The following ERCC2 variants were observed in gnomAD, a reference collection of about 807,000 sequenced individuals.
The protein encoded by ERCC2 is general transcription and DNA repair factor IIH helicase subunit XPD.
ERCC2 carries 90 observed loss-of-function variants against 99.4 expected under a neutral mutation model. The ratio of observed to expected loss-of-function variants is 0.91; its 90% CI spans 0.76 to 1.08. ERCC2 has a LOEUF of 1.08. Among genes scored for constraint, ERCC2 ranks in the 50% least tolerant of loss-of-function variants. The pLI, the probability that ERCC2 is intolerant of heterozygous loss-of-function variation, is 0.00. For missense variants in ERCC2, 993 were observed against 1,038.1 expected (o/e 0.96, Z 0.60); for synonymous variants, 497 against 432.4 (o/e 1.15, Z -1.85).
At chr19:45,353,763 G>T (rs1367722474) in intron 17 of ERCC2, among the ~76,000 whole-genome samples, 1 of 152,206 alleles carries the variant, frequency 6.6e-6, no homozygotes, top group Non-Finnish European at 1.5e-5. Context: ...GTTCAGTGGG[G>T]AGAGCTTTTA....
In ERCC2 at chr19:45,364,090, C is replaced by T. The variant is rs948547865; in HGVS notation, c.845G>A (p.Arg282Gln). ...CTCCACCAGACGCCGGTACTCGTCCCGCAGGCGCTGCTCGTCTGTCTCTTT... is the reference window on the plus strand; with the variant it reads ...CTCCACCAGACGCCGGTACTCGTCCTGCAGGCGCTGCTCGTCTGTCTCTTT... ...RIKETDEQRL[R>Q]DEYRRLVEGL... Residue 282 changes from arginine (R) to glutamine (Q), a missense_variant, in exon 10 of 23, where the codon CGG (arginine) becomes CAG (glutamine). Transcript: ENST00000391945. 1.1e-5 allele frequency: 18 copies of T among 1,604,018 alleles called. No homozygotes were observed. In the African/African-American group the frequency reaches 1.9e-4, roughly 17 times the overall value.
intron 11 of ERCC2, among the ~76,000 whole-genome samples, chr19:45,362,864 GCA>G (rs1282060541): frequency 1.3e-5 from 2 of 152,256 alleles, no homozygotes; most frequent in African/African-American, 4.8e-5. Flanking sequence ...CAACTACCGG[GCA>G]CAGTGCTGTG....
intron 5 of ERCC2, 54 bp downstream of exon 5, chr19:45,368,576 A>T: frequency 8.1e-7 from 1 of 1,232,140 alleles, no homozygotes; most frequent in East Asian, 2.3e-5. Flanking sequence ...TGGTTGGACG[A>T]AAGAGTTTTC....
In ERCC2 at chr19:45,350,169, C is replaced by A; in HGVS notation, c.*1460G>T. 1 of 611,802 alleles carries A rather than the reference C, an allele frequency of 1.6e-6. No homozygotes were observed. Among genetic ancestry groups the A allele is most frequent in the Non-Finnish European group, 2.9e-6 (1 of 348,302 alleles). The allele number at this position is 611,802 out of a possible 1,614,324, so 37.9% of individuals were successfully genotyped here. On this transcript the variant is annotated 3_prime_UTR_variant, in exon 23 of 23. Transcript: ENST00000391945. ...AGACGTGGTGGTTCACGCTTGTAAC[C>A]CCAACACTTTGGGAGGCCAAGGCAG...
rs538786185 is a variant in ERCC2, at chr19:45,350,807, A to G, written c.*822T>C. 1.9e-6 allele frequency: 1 copy of G among 526,726 alleles called. No homozygotes were observed. Among genetic ancestry groups the G allele is most frequent in the Non-Finnish European group, 2.9e-6 (1 of 349,518 alleles). The allele number at this position is 526,726 out of a possible 1,614,324, so 32.6% of individuals were successfully genotyped here. ...ATCAGCAGAATCCACAGCCCACCCCACCCCCACCCCCATCTTGCTCAAGAA... is the reference window on the plus strand; with the variant it reads ...ATCAGCAGAATCCACAGCCCACCCCGCCCCCACCCCCATCTTGCTCAAGAA... On this transcript the variant is annotated 3_prime_UTR_variant, in exon 23 of 23. Coordinates refer to ENST00000391945, the MANE Select transcript of ERCC2 (RefSeq NM_000400.4).
At position 45,350,747 on chromosome 19, in the gene ERCC2, G is replaced by T. The variant is rs776705760; in HGVS notation, c.*882C>A. On this transcript the variant is annotated 3_prime_UTR_variant, in exon 23 of 23. Coordinates refer to ENST00000391945, the MANE Select transcript of ERCC2 (RefSeq NM_000400.4). ...GGCGAGGCGGCGGCAGGAGCAGCCG[G>T]GTGAGTGTTGATCAGGTCGGCAAAG... The T allele has an allele frequency of 6.2e-7, 1 of 1,608,950 alleles. No individual in the cohort carries two copies. The highest frequency in any genetic ancestry group is 1.1e-5 in the South Asian group (1 of 90,362).
chr19:45,351,437 C>T lies in ERCC2; in HGVS notation c.*192G>A. 5 of 1,587,172 alleles carry T rather than the reference C, an allele frequency of 3.2e-6. No homozygotes were observed. Among genetic ancestry groups the T allele is most frequent in the Non-Finnish European group, 3.4e-6 (4 of 1,169,906 alleles). ...GCTGGTGGGGTGAGAGGGGGTCTAT[C>T]ATCTCCTGGCCCCCCCTTGCCTCTG... On this transcript the variant is annotated 3_prime_UTR_variant, in exon 23 of 23. Transcript: ENST00000391945.
chr19:45,358,832 T>G, intron 12 of ERCC2: 3 of 780,898 alleles, frequency 3.8e-6, no homozygotes, highest in South Asian at 2.7e-5. Context: ...CTACTGGTTT[T>G]CCCATCTGGA....
In ERCC2 at chr19:45,364,848, G is replaced by A; in HGVS notation, c.584C>T (p.Ala195Val). Residue 195 changes from alanine (A) to valine (V), a missense_variant, in exon 7 of 23, where the codon GCT (alanine) becomes GTT (valine). Physicochemically the swap from Ala to Val is moderately conservative, Grantham distance 64. This residue lies in a region of ERCC2 where 909 missense variants were observed against 930.8 expected (regional missense o/e 0.98). Transcript: ENST00000391945. ...RRQGWCPYFL[A>V]RYSILHANVV... ...CACCAGCCTCCTCACTGAGTATCGA[G>A]CAAGGAAGTATGGGCACCAGCCCTG... 1.2e-6 allele frequency: 2 copies of A among 1,612,658 alleles called. No homozygotes were observed. Among genetic ancestry groups the A allele is most frequent in the Non-Finnish European group, 1.7e-6 (2 of 1,178,706 alleles).
At chr19:45,353,208 C>T (rs1411752467) in intron 18 of ERCC2, 34 bp downstream of exon 18, 3 of 1,612,508 alleles carry the variant, frequency 1.9e-6, no homozygotes, top group African/African-American at 2.7e-5. Flanking sequence ...AGCCACCTCC[C>T]CGACCCCTCT....
intron 19 of ERCC2, 72 bp downstream of exon 19, chr19:45,353,011 G>A: frequency 6.6e-7 from 1 of 1,509,038 alleles, no homozygotes; most frequent in Non-Finnish European, 9.2e-7. Flanking sequence ...CGCGGGAGCA[G>A]ACAGCAGAGC....
intron 5 of ERCC2, among the ~76,000 whole-genome samples, chr19:45,365,472 G>T (rs956729551): frequency 6.6e-6 from 1 of 152,138 alleles, no homozygotes; most frequent in East Asian, 1.9e-4. Context: ...TTAGCCAGGC[G>T]TGGTGGCACA....
chr19:45,352,723 C>T (rs776605802), intron 20 of ERCC2, 23 bp downstream of exon 20: 2 of 1,613,880 alleles, frequency 1.2e-6, no homozygotes, highest in Non-Finnish European at 1.7e-6. Flanking sequence ...CTGTGGGACT[C>T]CCTGGGAGAC....
chr19:45,370,011 T>C, intron 2 of ERCC2, 122 bp downstream of exon 2: 1 of 845,186 alleles, frequency 1.2e-6, no homozygotes. Context: ...CGGAAGATTA[T>C]GGGGTCCTGG....
At chr19:45,352,157 T>C (rs977884312) in intron 22 of ERCC2, 52 bp downstream of exon 22, 46 of 1,602,452 alleles carry the variant, frequency 2.9e-5, no homozygotes, top group Non-Finnish European at 3.5e-5. Context: ...GGGGACTTTC[T>C]GGAGGAGAAG....
intron 21 of ERCC2, 24 bp downstream of exon 21, chr19:45,352,482 A>C: frequency 1.9e-6 from 3 of 1,614,128 alleles, no homozygotes; most frequent in Non-Finnish European, 2.5e-6. Flanking sequence ...GGATGGGAGC[A>C]CAGGGGCACC....
In ERCC2 at chr19:45,368,756, TG is replaced by T; in HGVS notation, c.247-14del. On this transcript the variant is annotated splice_polypyrimidine_tract_variant and intron_variant, in intron 4 of 22. Transcript: ENST00000391945. ...GCTCTTCAATCACCTACTCCAAAGTTGGGGGGCAGGGGGAGCTTGTGCTCAT... is the reference window on the plus strand; with the variant it reads ...GCTCTTCAATCACCTACTCCAAAGTTGGGGGCAGGGGGAGCTTGTGCTCAT... 6.2e-7 allele frequency: 1 copy of T among 1,603,442 alleles called. No homozygotes were observed. The highest frequency in any genetic ancestry group is 8.5e-7 in the Non-Finnish European group (1 of 1,172,708).
In ERCC2 at chr19:45,351,154, A is replaced by G; in HGVS notation, c.*475T>C. Reference sequence around the variant, plus strand: ...GTCAGAAGAGACCCAGGACAGGAGCAAAGATGGGTTTTACTTGGGGTAGAG... The same window carrying G: ...GTCAGAAGAGACCCAGGACAGGAGCGAAGATGGGTTTTACTTGGGGTAGAG... On this transcript the variant is annotated 3_prime_UTR_variant, in exon 23 of 23. Coordinates refer to ENST00000391945, the MANE Select transcript of ERCC2 (RefSeq NM_000400.4). 1 of 1,593,136 alleles carries G rather than the reference A, an allele frequency of 6.3e-7. No homozygotes were observed. Among genetic ancestry groups the G allele is most frequent in the Non-Finnish European group, 8.6e-7 (1 of 1,168,898 alleles).
chr19:45,353,887 A>G (rs1178879876), intron 17 of ERCC2, among the ~76,000 whole-genome samples: 1 of 152,154 alleles, frequency 6.6e-6, no homozygotes, highest in Non-Finnish European at 1.5e-5. Flanking sequence ...GAAAGCTAAA[A>G]CCACAAGCTC....
Sources: gnomAD v4.1 joint callset for allele counts (sites outside exome capture counted in the v4.1 genomes callset) on GRCh38, gnomAD v4.1.1 for gene constraint, gnomAD v4.1.1 regional missense constraint, MANE v1.5 for transcripts, NCBI Gene and HGNC (gene_info 2026-07-23, HGNC 2026-07-21) for gene names.